BLTP1: variants seen among roughly 807,000 people sequenced by gnomAD.
The protein encoded by BLTP1 is fragile site-associated protein.
At chr4:122,249,594 T>A in the BLTP1 span, 1 of 1,613,772 alleles carries the variant, frequency 6.2e-7, no homozygotes, top group East Asian at 2.2e-5. Flanking sequence ...ATCAGCAAGC[T>A]GTTCCAGATG....
the BLTP1 span, chr4:122,167,731 A>G: frequency 3.0e-6 from 3 of 985,226 alleles, no homozygotes; most frequent in Non-Finnish European, 3.6e-6. Context: ...TACTTAATTT[A>G]TTCATATCAG....
the BLTP1 span, chr4:122,287,485 TGAGA>T: frequency 1.5e-6 from 1 of 653,208 alleles, no homozygotes; most frequent in Non-Finnish European, 1.9e-6. Context: ...AGCTATCAAC[TGAGA>T]GAGGCAGGAG....
chr4:122,220,111 GTC>G, the BLTP1 span, among the ~76,000 whole-genome samples: 1 of 152,190 alleles, frequency 6.6e-6, no homozygotes, highest in Non-Finnish European at 1.5e-5. Flanking sequence ...TGAGGTGTGT[GTC>G]CGGGTTGCAG....
At chr4:122,336,429 A>G in the BLTP1 span, 6 of 930,014 alleles carry the variant, frequency 6.5e-6, no homozygotes, top group Middle Eastern at 2.3e-4. Flanking sequence ...TCTTAATGCT[A>G]TTATACATTA....
At chr4:122,343,800 T>C in the BLTP1 span, 1 of 452,914 alleles carries the variant, frequency 2.2e-6, no homozygotes, top group Non-Finnish European at 2.9e-6. Flanking sequence ...GAATTAATTA[T>C]ACAAGAATTT....
chr4:122,265,277 T>C, the BLTP1 span, among the ~76,000 whole-genome samples: 2 of 152,342 alleles, frequency 1.3e-5, no homozygotes, highest in South Asian at 4.1e-4. Flanking sequence ...CTGTATACTT[T>C]AAATCTTTTC....
At chr4:122,306,038 T>C in the BLTP1 span, 1 of 1,603,504 alleles carries the variant, frequency 6.2e-7, no homozygotes. Context: ...CTGTGGCCTT[T>C]GATAGAGGTA....
the BLTP1 span, chr4:122,215,417 G>T: frequency 1.0e-6 from 1 of 985,224 alleles, no homozygotes; most frequent in Admixed American, 6.2e-5. Context: ...ATGAGTGCTG[G>T]TAACTGTTTT....
At chr4:122,181,733 C>A in the BLTP1 span, among the ~76,000 whole-genome samples, 1 of 151,604 alleles carries the variant, frequency 6.6e-6, no homozygotes, top group Non-Finnish European at 1.5e-5. Context: ...TTATTTATTC[C>A]TGCATTACTA....
chr4:122,347,947 T>C, the BLTP1 span, among the ~76,000 whole-genome samples: 481 of 146,832 alleles, frequency 3.3e-3, 3 homozygotes, highest in Non-Finnish European at 4.1e-3. Context: ...ACAAAACAAA[T>C]ATTTCAAAGT....
the BLTP1 span, chr4:122,154,058 C>T: frequency 3.1e-6 from 3 of 981,022 alleles, no homozygotes; most frequent in Non-Finnish European, 3.6e-6. Context: ...GAAAGGCTAT[C>T]TGAAGAAAAG....
chr4:122,347,644 A>G, the BLTP1 span: 1 of 1,613,844 alleles, frequency 6.2e-7, no homozygotes. Context: ...CTTCACCCAC[A>G]TGCCTCAGTC....
the BLTP1 span, among the ~76,000 whole-genome samples, chr4:122,288,394 T>C: frequency 6.6e-6 from 1 of 152,104 alleles, no homozygotes; most frequent in African/African-American, 2.4e-5. Flanking sequence ...AATAAATCTA[T>C]TTTTGGCTGG....
the BLTP1 span, chr4:122,162,551 A>C: frequency 3.0e-6 from 3 of 985,368 alleles, no homozygotes; most frequent in Non-Finnish European, 3.6e-6. Flanking sequence ...AATCTTGCTG[A>C]GATGGGGTGG....
At chr4:122,250,586 C>G in the BLTP1 span, 5 of 1,609,274 alleles carry the variant, frequency 3.1e-6, no homozygotes, top group Non-Finnish European at 4.3e-6. Context: ...TAGTGACTTT[C>G]TAATAGTAAT....
the BLTP1 span, chr4:122,201,753 T>A: frequency 3.3e-6 from 1 of 298,720 alleles, no homozygotes; most frequent in Admixed American, 6.5e-5. Flanking sequence ...CCCATAAAGT[T>A]GGTCTAATTT....
the BLTP1 span, chr4:122,169,666 T>C: frequency 1.0e-6 from 1 of 962,460 alleles, no homozygotes; most frequent in Non-Finnish European, 1.2e-6. Context: ...TGTGTGTGCA[T>C]ATATACATAT....
the BLTP1 span, chr4:122,207,100 A>G: frequency 3.1e-6 from 5 of 1,588,080 alleles, no homozygotes; most frequent in Admixed American, 1.8e-5. Context: ...CACTACCCCA[A>G]TAATTTTAGA....
chr4:122,359,491 A>G, the BLTP1 span: 5 of 1,545,602 alleles, frequency 3.2e-6, no homozygotes, highest in South Asian at 3.6e-5. Flanking sequence ...AATGAAACCA[A>G]TTCTGTTCTA....
Sources: allele counts gnomAD v4.1 joint callset (sites outside exome capture counted in the v4.1 genomes callset), GRCh38; gene constraint gnomAD v4.1.1; transcripts MANE v1.5; gene names NCBI Gene and HGNC (gene_info 2026-07-23, HGNC 2026-07-21).